The following POR variants were observed in gnomAD, a reference collection of about 807,000 sequenced individuals.
The protein encoded by POR is NADPH--cytochrome P450 reductase.
In POR, 56 loss-of-function variants were observed where a neutral mutation model predicts 84.0. The ratio of observed to expected loss-of-function variants is 0.67; its 90% confidence interval spans 0.54 to 0.83. The LOEUF (loss-of-function observed/expected upper bound fraction) is 0.83, where lower values mean the gene tolerates loss of function less well. Ranked by LOEUF, POR falls within the 40% of genes least tolerant of loss-of-function variation. The pLI, the probability that POR is intolerant of heterozygous loss-of-function variation, is 0.00. For synonymous variants in POR, 414 were observed against 400.5 expected (o/e 1.03, Z -0.40); for missense variants, 938 against 944.3 (o/e 0.99, Z 0.09).
chr7:75,955,012 T>G (rs1787623267), intron 2 of POR, among the ~76,000 whole-genome samples: 2 of 152,054 alleles, frequency 1.3e-5, no homozygotes. Flanking sequence ...CCAGTCAATT[T>G]TTGTATTTTT....
intron 2 of POR, among the ~76,000 whole-genome samples, chr7:75,969,967 G>T (rs2116517891): frequency 6.6e-6 from 1 of 152,304 alleles, no homozygotes; most frequent in East Asian, 1.9e-4. Context: ...GTTGCTGCGT[G>T]AGGGGCAGGG....
At chr7:75,922,764 C>G in intron 1 of POR, 1 of 443,348 alleles carries the variant, frequency 2.3e-6, no homozygotes. Context: ...GATGGCAAAG[C>G]AGGAGCAAAG....
chr7:75,957,041 G>C (rs782417746), intron 2 of POR, among the ~76,000 whole-genome samples: 2 of 152,142 alleles, frequency 1.3e-5, no homozygotes, highest in African/African-American at 2.4e-5. Flanking sequence ...GTACTTTTTA[G>C]AAATGCTTTG....
intron 1 of POR, chr7:75,923,100 G>A (rs1341156456): frequency 3.0e-5 from 23 of 760,478 alleles, no homozygotes; most frequent in South Asian, 4.2e-5. Flanking sequence ...AAAATGCAGC[G>A]TATAGTATGT....
intron 2 of POR, among the ~76,000 whole-genome samples, chr7:75,958,503 G>A (rs781813822): frequency 3.9e-5 from 6 of 152,122 alleles, no homozygotes; most frequent in Non-Finnish European, 8.8e-5. Context: ...CCCATTTTGC[G>A]GATGAAGAAA....
In POR at chr7:75,954,125, T is replaced by A; in HGVS notation, c.133T>A (p.Phe45Ile). Reference sequence around the variant, plus strand: ...CATCGTGGGTCTCCTAACCTACTGGTTCCTCTTCAGAAAGAAAAAAGAAGA... The same window carrying A: ...CATCGTGGGTCTCCTAACCTACTGGATCCTCTTCAGAAAGAAAAAAGAAGA... Residue 45 changes from phenylalanine (F) to isoleucine (I), a missense_variant, in exon 2 of 16, where the codon TTC becomes ATC. By Grantham distance (21) the Phe-to-Ile change is conservative. Coordinates refer to ENST00000461988, the MANE Select transcript of POR (RefSeq NM_000941.3). The A allele has an allele frequency of 6.2e-7, 1 of 1,613,356 alleles. No individual in the cohort carries two copies. The highest frequency in any genetic ancestry group is 8.5e-7 in the Non-Finnish European group (1 of 1,179,630).
chr7:75,983,556 C>A lies in POR; in HGVS notation c.867C>A (p.Val289=), dbSNP rs1554558453. Residue 289 remains valine (V), a synonymous_variant, in exon 9 of 16, where the codon GTC becomes GTA. Transcript: ENST00000461988. ...CCAAGAATCCGTTCCTGGCTGCAGT[C>A]ACCACCAACCGGAAGCTGAACCAGG... 6.2e-7 allele frequency: 1 copy of A among 1,613,132 alleles called. No individual in the cohort carries two copies. The highest frequency in any genetic ancestry group is 1.3e-5 in the African/African-American group (1 of 75,008).
intron 1 of POR, among the ~76,000 whole-genome samples, chr7:75,924,448 G>A (rs1317137276): frequency 6.6e-6 from 1 of 152,180 alleles, no homozygotes; most frequent in Non-Finnish European, 1.5e-5. Context: ...GTGGGAGGCC[G>A]AGGTGGACGG....
At chr7:75,985,479 G>C in intron 12 of POR, 100 bp from the exon 13 acceptor site, 2 of 1,377,748 alleles carry the variant, frequency 1.5e-6, no homozygotes, top group Non-Finnish European at 9.6e-7. Context: ...GGCTGGAAGA[G>C]GCCCTGGGTG....
chr7:75,942,177 C>T (rs1178980208), intron 1 of POR, among the ~76,000 whole-genome samples: 3 of 152,046 alleles, frequency 2.0e-5, no homozygotes, highest in African/African-American at 7.3e-5. Flanking sequence ...GAGTGAGCTG[C>T]GATTGTGCCA....
chr7:75,935,764 A>G (rs1807647329), intron 1 of POR, among the ~76,000 whole-genome samples: 1 of 151,824 alleles, frequency 6.6e-6, no homozygotes, highest in African/African-American at 2.4e-5. Context: ...AGATTAATTA[A>G]TATTAATTTG....
At position 75,981,055 on chromosome 7, in the gene POR, G is replaced by A; in HGVS notation, c.524G>A (p.Gly175Asp). 6.3e-7 allele frequency: 1 copy of A among 1,574,988 alleles called. No individual in the cohort carries two copies. The highest frequency in any genetic ancestry group is 1.2e-5 in the South Asian group (1 of 85,850). The change falls in exon 6 of 16, where the codon GGT (glycine) becomes GAT (aspartate). Residue 175 changes from glycine to aspartate, a missense_variant. Gly to Asp is a moderately conservative substitution (Grantham distance 94). Transcript: ENST00000461988. ...GCCCCTGTGTCCACGCAGGTGTTTGGTCTTGGGAACAAGACCTACGAGCAC... is the reference window on the plus strand; with the variant it reads ...GCCCCTGTGTCCACGCAGGTGTTTGATCTTGGGAACAAGACCTACGAGCAC...
At chr7:75,966,103 G>C (rs6949454) in intron 2 of POR, among the ~76,000 whole-genome samples, 36,905 of 152,068 alleles carry the variant, frequency 0.24, 5,306 homozygotes, top group Non-Finnish European at 0.32. Context: ...CACTGCACAG[G>C]GTGGTGAGGA....
chr7:75,959,355 A>C (rs1554554199), intron 2 of POR, among the ~76,000 whole-genome samples: 2 of 152,218 alleles, frequency 1.3e-5, no homozygotes, highest in Non-Finnish European at 2.9e-5. Context: ...TTATAGCCAC[A>C]GAGCAGTAGG....
At chr7:75,985,403 C>T in intron 12 of POR, 176 bp from the exon 13 acceptor site, 3 of 1,133,930 alleles carry the variant, frequency 2.6e-6, no homozygotes, top group Non-Finnish European at 3.6e-6. Flanking sequence ...TCTGTCCAGC[C>T]CCGGTCCCCA....
rs374640808 is a variant in POR, at chr7:75,986,033, C to G, written c.1780C>G (p.Leu594Val). 1.6e-4 allele frequency: 245 copies of G among 1,560,772 alleles called. No homozygotes were observed. The highest frequency in any genetic ancestry group is 2.0e-4 in the Non-Finnish European group (234 of 1,153,450). ...CCACAGGGACGGTGCGCTCACCCAG[C>G]TCAACGTGGCCTTCTCCCGGGAGCA... The change falls in exon 14 of 16, where the codon CTC becomes GTC. Residue 594 changes from leucine (L) to valine (V), a missense_variant. Coordinates refer to ENST00000461988, the MANE Select transcript of POR (RefSeq NM_000941.3).
chr7:75,938,418 G>C (rs1356610580), intron 1 of POR, among the ~76,000 whole-genome samples: 1 of 152,126 alleles, frequency 6.6e-6, no homozygotes, highest in Non-Finnish European at 1.5e-5. Context: ...CCTTAGACTG[G>C]CATACAGGCC....
intron 2 of POR, among the ~76,000 whole-genome samples, chr7:75,955,493 C>G (rs1346980929): frequency 6.6e-6 from 1 of 152,152 alleles, no homozygotes; most frequent in African/African-American, 2.4e-5. Context: ...GTGTTTAACA[C>G]CAGTCTCAGA....
rs1419168204 is a variant in POR at position 75,952,610 on chromosome 7, C to T, written c.-4-1379C>T. The stretch of plus-strand genomic sequence containing the variant: ...GGGTCTCCTCACTTCTCAGACGGGG[C>T]GGCCGGGCAGAGACGCTCCTCACCT... On this transcript the variant is annotated intron_variant, in intron 1 of 15. Transcript: ENST00000461988. Among the ~76,000 whole-genome samples, 30 of 149,780 alleles carry T rather than the reference C, an allele frequency of 2.0e-4. No homozygotes were observed. The East Asian group carries it at 5.7e-3, about 28-fold the overall frequency.
Sources: gnomAD v4.1 joint callset for allele counts (sites outside exome capture counted in the v4.1 genomes callset) on GRCh38, gnomAD v4.1.1 for gene constraint, MANE v1.5 for transcripts, NCBI Gene and HGNC (gene_info 2026-07-23, HGNC 2026-07-21) for gene names.